The following LDB2 variants were observed in gnomAD, a reference collection of about 807,000 sequenced individuals.
LDB2 encodes the protein LIM domain-binding protein 2.
Under a neutral mutation model 44.3 loss-of-function variants are expected in LDB2, and 12 were observed. That is an observed-to-expected ratio of 0.27 (90% CI 0.17 to 0.44). The LOEUF is 0.44. Ranked by LOEUF, LDB2 falls within the 20% of genes least tolerant of loss-of-function variation. LDB2 has a pLI of 1.00. For synonymous variants in LDB2, 164 were observed against 174.8 expected (o/e 0.94, Z 0.49); for missense variants, 344 against 473.5 (o/e 0.73, Z 2.54).
chr4:16,882,284 T>C (rs1720367841), intron 1 of LDB2, among the ~76,000 whole-genome samples: 1 of 152,172 alleles, frequency 6.6e-6, no homozygotes, highest in Non-Finnish European at 1.5e-5. Flanking sequence ...TCAATGCAAT[T>C]CCATCCTAGA....
intron 1 of LDB2, among the ~76,000 whole-genome samples, chr4:16,888,245 C>T (rs896855770): frequency 6.6e-6 from 1 of 152,190 alleles, no homozygotes; most frequent in Admixed American, 6.5e-5. Context: ...ATTCAGACAG[C>T]CCTGCAAAGA....
At chr4:16,708,822 C>T (rs1005865857) in intron 2 of LDB2, among the ~76,000 whole-genome samples, 3 of 152,250 alleles carry the variant, frequency 2.0e-5, no homozygotes, top group African/African-American at 7.2e-5. Context: ...TTTCCCCCAA[C>T]ACCTGCTTTT....
At chr4:16,769,447 C>A (rs1484053222) in intron 1 of LDB2, among the ~76,000 whole-genome samples, 3 of 151,986 alleles carry the variant, frequency 2.0e-5, no homozygotes, top group Non-Finnish European at 4.4e-5. Flanking sequence ...CAGGAGCCCA[C>A]CACCATGCCC....
chr4:16,615,253 GAT>G (rs1726941455), intron 2 of LDB2, among the ~76,000 whole-genome samples: 2 of 152,186 alleles, frequency 1.3e-5, no homozygotes, highest in South Asian at 4.1e-4. Context: ...CTCATTACTG[GAT>G]ATATAACCTA....
intron 2 of LDB2, 58 bp from the exon 3 acceptor site, chr4:16,595,933 C>G: frequency 6.6e-7 from 1 of 1,514,744 alleles, no homozygotes; most frequent in Non-Finnish European, 9.0e-7. Context: ...CAGCCCCACA[C>G]ACCCAACACC....
chr4:16,732,346 C>T (rs1760927941), intron 2 of LDB2, among the ~76,000 whole-genome samples: 1 of 152,154 alleles, frequency 6.6e-6, no homozygotes, highest in Admixed American at 6.5e-5. Context: ...TCCTTTTCAT[C>T]CCCTGCAGAG....
chr4:16,615,484 C>T (rs1407860668), intron 2 of LDB2, among the ~76,000 whole-genome samples: 1 of 152,074 alleles, frequency 6.6e-6, no homozygotes, highest in Admixed American at 6.6e-5. Context: ...AAGCCATCAA[C>T]CTCAGGAAAC....
At chr4:16,581,204 A>T (rs942824231) in intron 5 of LDB2, among the ~76,000 whole-genome samples, 4 of 152,218 alleles carry the variant, frequency 2.6e-5, no homozygotes, top group Admixed American at 1.3e-4. Context: ...ACTTTGGTGA[A>T]TGAGTAATGA....
intron 1 of LDB2, among the ~76,000 whole-genome samples, chr4:16,879,969 T>C (rs1021976244): frequency 6.6e-6 from 1 of 152,100 alleles, no homozygotes; most frequent in African/African-American, 2.4e-5. Context: ...GCAGAAACTT[T>C]CCTGTGCAGA....
intron 1 of LDB2, among the ~76,000 whole-genome samples, chr4:16,846,113 CAAAAAAAA>C (rs374522770): frequency 8.9e-6 from 1 of 111,788 alleles, no homozygotes; most frequent in African/African-American, 3.5e-5. Flanking sequence ...GACTCTGTCT[CAAAAAAAA>C]AAAAAAAAAG....
intron 2 of LDB2, among the ~76,000 whole-genome samples, chr4:16,603,578 T>C (rs1723138928): frequency 6.6e-6 from 1 of 152,316 alleles, no homozygotes; most frequent in Non-Finnish European, 1.5e-5. Context: ...TTTTAGTTAT[T>C]AAAACTTTAA....
chr4:16,897,935 T>C (rs1374074385), intron 1 of LDB2, among the ~76,000 whole-genome samples: 1,234 of 15,736 alleles, frequency 0.078, 67 homozygotes, highest in Middle Eastern at 0.14. Flanking sequence ...TATATATATA[T>C]ATACACATAT....
chr4:16,512,140 T>C lies in LDB2; in HGVS notation c.616-36A>G, dbSNP rs765643853. On this transcript the variant is annotated intron_variant, in intron 5 of 7. Transcript: ENST00000304523. Reference sequence around the variant, plus strand: ...TTCAAAGACATTGGCATTTCACTACTTCATAACACTAATTACAATAAATAA... The same window carrying C: ...TTCAAAGACATTGGCATTTCACTACCTCATAACACTAATTACAATAAATAA... 3 of 1,538,242 alleles carry C rather than the reference T, an allele frequency of 2.0e-6. No homozygotes were observed. The South Asian group carries it at 3.7e-5, about 19-fold the overall frequency.
chr4:16,548,549 A>G (rs1736575139), intron 5 of LDB2, among the ~76,000 whole-genome samples: 1 of 152,160 alleles, frequency 6.6e-6, no homozygotes, highest in Non-Finnish European at 1.5e-5. Context: ...ATTATGTTTT[A>G]TTCCTATATG....
At chr4:16,682,434 CACTG>C (rs1426910129) in intron 2 of LDB2, among the ~76,000 whole-genome samples, 2 of 152,142 alleles carry the variant, frequency 1.3e-5, no homozygotes, top group African/African-American at 4.8e-5. Context: ...CCTCACAGCC[CACTG>C]AGCCTCAACA....
At position 16,543,079 on chromosome 4, in the gene LDB2, C is replaced by A. The variant is rs556726864; in HGVS notation, c.616-30975G>T. 3.0e-4 allele frequency among the ~76,000 whole-genome samples: 46 copies of A among 152,176 alleles called. No individual in the cohort carries two copies. The East Asian group carries it at 7.4e-3, about 24-fold the overall frequency. ...CAGAATGATGGTTTCCAGCTTCATC[C>A]ATGTCCCTACAAAGGACATGAATTC... On this transcript the variant is annotated intron_variant, in intron 5 of 7. Transcript: ENST00000304523.
intron 1 of LDB2, among the ~76,000 whole-genome samples, chr4:16,847,117 T>TC (rs1787176046): frequency 6.6e-6 from 1 of 152,118 alleles, no homozygotes; most frequent in African/African-American, 2.4e-5. Context: ...TAATGAAAAA[T>TC]CCCCCGTAAT....
chr4:16,717,629 A>C (rs1757360425), intron 2 of LDB2, among the ~76,000 whole-genome samples: 1 of 152,192 alleles, frequency 6.6e-6, no homozygotes, highest in Non-Finnish European at 1.5e-5. Context: ...TGCCACACAG[A>C]CCAGCAAGTG....
At chr4:16,793,493 GCTT>G (rs1189367773) in intron 1 of LDB2, among the ~76,000 whole-genome samples, 1 of 152,110 alleles carries the variant, frequency 6.6e-6, no homozygotes, top group Non-Finnish European at 1.5e-5. Flanking sequence ...GCCATTTGAA[GCTT>G]CTTATTTTTA....
Sources: allele counts gnomAD v4.1 joint callset (sites outside exome capture counted in the v4.1 genomes callset), GRCh38; gene constraint gnomAD v4.1.1; transcripts MANE v1.5; gene names NCBI Gene and HGNC (gene_info 2026-07-23, HGNC 2026-07-21).